The following FBXL7 variants were observed in gnomAD, a reference collection of about 807,000 sequenced individuals.
FBXL7 encodes the protein F-box and leucine rich repeat protein 7.
FBXL7 carries 12 observed loss-of-function variants against 38.3 expected under a neutral mutation model. The ratio of observed to expected loss-of-function variants is 0.31; its 90% CI spans 0.20 to 0.51. FBXL7 has a LOEUF of 0.51. Ranked by LOEUF, FBXL7 falls within the 20% of genes least tolerant of loss-of-function variation. FBXL7 has a pLI of 0.98. For synonymous variants in FBXL7, 297 were observed against 300.9 expected, an observed-to-expected ratio of 0.99 and a Z score of 0.13; for missense variants, 567 against 676.4, an observed-to-expected ratio of 0.84 and a Z score of 1.79.
Position 15,936,463 on chromosome 5 carries a change from G to C in FBXL7, c.753G>C (p.Val251=). 1 of 1,612,806 alleles carries C rather than the reference G, an allele frequency of 6.2e-7. No individual in the cohort carries two copies. The highest frequency in any genetic ancestry group is 8.5e-7 in the Non-Finnish European group (1 of 1,179,824). The stretch of plus-strand genomic sequence containing the variant: ...CTCTTTGTGCAGGATGCTCCAAAGT[G>C]ACCTGCATCAGCTTGACCCGGGAGG... ...EHLDVSGCSK[V]TCISLTREAS... The change falls in exon 4 of 4, where the codon GTG becomes GTC. Residue 251 remains valine (V), a synonymous_variant. Coordinates refer to ENST00000504595, the MANE Select transcript of FBXL7 (RefSeq NM_012304.5). This position sits in a 1 kb window ranked among gnomAD's most constrained non-coding sequence, Gnocchi z 6.0.
At chr5:15,640,859 C>T (rs1257860292) in intron 2 of FBXL7, among the ~76,000 whole-genome samples, 1 of 152,112 alleles carries the variant, frequency 6.6e-6, no homozygotes, top group East Asian at 1.9e-4. Context: ...ATAGGGGACA[C>T]AATTCAATCC....
chr5:15,862,458 A>T (rs924838181), intron 2 of FBXL7, among the ~76,000 whole-genome samples: 1 of 152,176 alleles, frequency 6.6e-6, no homozygotes, highest in Admixed American at 6.5e-5. Flanking sequence ...TTTATTGAAC[A>T]TCTACAAAAA....
chr5:15,898,046 A>G (rs956423753), intron 2 of FBXL7, among the ~76,000 whole-genome samples: 1 of 152,120 alleles, frequency 6.6e-6, no homozygotes, highest in Non-Finnish European at 1.5e-5. Context: ...ATTCACTTCC[A>G]CCTCCTCCTC....
In FBXL7 at chr5:15,696,441, G is replaced by GT. The variant is rs538863097; in HGVS notation, c.127+80376dup. Among the ~76,000 whole-genome samples the GT allele has an allele frequency of 3.3e-3, 507 of 152,194 alleles. 2 individuals carry two copies. Among genetic ancestry groups the GT allele is most frequent in the African/African-American group, 0.012 (487 of 41,524 alleles). ...AATAAATAAAACTGGAACATAACCTGTTTTTTTATTTTTTAATGTCTTCTT... is the reference window on the plus strand; with the variant it reads ...AATAAATAAAACTGGAACATAACCTGTTTTTTTTATTTTTTAATGTCTTCTT... On this transcript the variant is annotated intron_variant, in intron 2 of 3. Transcript: ENST00000504595.
At chr5:15,755,562 C>T (rs1190995184) in intron 2 of FBXL7, among the ~76,000 whole-genome samples, 1 of 152,172 alleles carries the variant, frequency 6.6e-6, no homozygotes, top group African/African-American at 2.4e-5. Flanking sequence ...AATTATATCG[C>T]AGTCTGCAAA....
At chr5:15,603,507 C>G (rs1739875125) in intron 1 of FBXL7, among the ~76,000 whole-genome samples, 1 of 152,190 alleles carries the variant, frequency 6.6e-6, no homozygotes, top group Admixed American at 6.5e-5. Context: ...AGCCAGAATT[C>G]AGGCCCAAGC....
In FBXL7 at chr5:15,917,691, AAGG is replaced by A. The variant is rs1460529474; in HGVS notation, c.128-10197_128-10195del. Among the ~76,000 whole-genome samples, 80 of 149,578 alleles carry A rather than the reference AAGG, an allele frequency of 5.3e-4. 1 individual carries two copies. The highest frequency in any genetic ancestry group is 1.5e-3 in the African/African-American group (60 of 40,496). Reference sequence around the variant, plus strand: ...GAAGGAAGGAAGGAAGGAAGGAAGGAAGGAAGAAAGAAAGGAAGGAAGGAAGGA... The same window carrying A: ...GAAGGAAGGAAGGAAGGAAGGAAGGAAAGAAAGAAAGGAAGGAAGGAAGGA... On this transcript the variant is annotated intron_variant, in intron 2 of 3. Transcript: ENST00000504595.
At chr5:15,882,832 G>A (rs1032229414) in intron 2 of FBXL7, among the ~76,000 whole-genome samples, 3 of 152,164 alleles carry the variant, frequency 2.0e-5, no homozygotes, top group South Asian at 2.1e-4. Flanking sequence ...GGGATCACCC[G>A]ATGAGATAGT....
At chr5:15,896,761 G>GAA (rs397944731) in intron 2 of FBXL7, among the ~76,000 whole-genome samples, 12 of 141,088 alleles carry the variant, frequency 8.5e-5, no homozygotes, top group African/African-American at 3.1e-4. Flanking sequence ...AACATGAGAA[G>GAA]AAAAAAAAAA....
At chr5:15,919,936 C>T (rs539109758) in intron 2 of FBXL7, among the ~76,000 whole-genome samples, 5 of 152,164 alleles carry the variant, frequency 3.3e-5, no homozygotes, top group South Asian at 2.1e-4. Flanking sequence ...TTTAATGGGA[C>T]CATGGTGCAG....
chr5:15,884,336 G>A (rs1579567448), intron 2 of FBXL7, among the ~76,000 whole-genome samples: 1 of 151,594 alleles, frequency 6.6e-6, no homozygotes, highest in Non-Finnish European at 1.5e-5. Context: ...GTGCGATCTC[G>A]GCTCAATGCC....
At chr5:15,627,407 T>G (rs1252543980) in intron 2 of FBXL7, among the ~76,000 whole-genome samples, 2 of 152,228 alleles carry the variant, frequency 1.3e-5, no homozygotes, top group East Asian at 3.9e-4. Context: ...TAGCATGATG[T>G]GTTAGGGTGT....
intron 2 of FBXL7, among the ~76,000 whole-genome samples, chr5:15,709,437 G>A (rs2126640945): frequency 6.6e-6 from 1 of 151,994 alleles, no homozygotes; most frequent in South Asian, 2.1e-4. Context: ...GGGAGGCTGA[G>A]GCAGGAGAAT....
intron 2 of FBXL7, among the ~76,000 whole-genome samples, chr5:15,912,734 A>G (rs1241140952): frequency 1.3e-5 from 2 of 152,212 alleles, no homozygotes; most frequent in African/African-American, 2.4e-5. Flanking sequence ...TTACTCCACC[A>G]TAAAAGTCCT....
At chr5:15,718,247 A>T (rs1352822135) in intron 2 of FBXL7, among the ~76,000 whole-genome samples, 2 of 152,166 alleles carry the variant, frequency 1.3e-5, no homozygotes, top group African/African-American at 4.8e-5. Flanking sequence ...TGATATATAG[A>T]TGTTTATTGT....
chr5:15,890,399 G>A (rs540627688), intron 2 of FBXL7, among the ~76,000 whole-genome samples: 2 of 152,064 alleles, frequency 1.3e-5, no homozygotes, highest in East Asian at 1.9e-4. Context: ...CAGGCATGAC[G>A]CCCAGCTAAT....
chr5:15,536,756 A>T lies in FBXL7; in HGVS notation c.37+36043A>T, dbSNP rs76351787. On this transcript the variant is annotated intron_variant, in intron 1 of 3. Coordinates refer to ENST00000504595, the MANE Select transcript of FBXL7 (RefSeq NM_012304.5). ...CTTGGACTTTTGGGTTAATGATGGA[A>T]TGAGTTTAGACTTTGGGGGACTGTT... 8.1e-3 allele frequency among the ~76,000 whole-genome samples: 1,232 copies of T among 152,208 alleles called. 12 individuals are homozygous for T. Among genetic ancestry groups the T allele is most frequent in the African/African-American group, 0.027 (1,140 of 41,522 alleles).
At chr5:15,624,019 A>T (rs1228778006) in intron 2 of FBXL7, among the ~76,000 whole-genome samples, 1 of 152,214 alleles carries the variant, frequency 6.6e-6, no homozygotes, top group African/African-American at 2.4e-5. Flanking sequence ...ATTTCATGCT[A>T]ATCATTTTTC....
At chr5:15,578,091 A>C (rs1179191295) in intron 1 of FBXL7, among the ~76,000 whole-genome samples, 3 of 152,204 alleles carry the variant, frequency 2.0e-5, no homozygotes, top group Admixed American at 2.0e-4. Context: ...GGAAGGCTGC[A>C]GTTCGTCCAC....
Sources: allele counts gnomAD v4.1 joint callset (sites outside exome capture counted in the v4.1 genomes callset), GRCh38; gene constraint gnomAD v4.1.1; non-coding constraint Gnocchi (gnomAD v3.1); transcripts MANE v1.5; gene names NCBI Gene and HGNC (gene_info 2026-07-23, HGNC 2026-07-21).